Variants in CTNNB1 observed in about 807,000 individuals in gnomAD.
CTNNB1 encodes catenin beta 1.
A neutral mutation model predicts 82.5 loss-of-function variants in CTNNB1; 6 were observed. The observed-to-expected ratio is 0.07, with a 90% confidence interval of 0.04 to 0.14. The LOEUF (loss-of-function observed/expected upper bound fraction) is 0.14, where lower values mean the gene tolerates loss of function less well. Ranked by LOEUF, CTNNB1 falls within the 10% of genes least tolerant of loss-of-function variation. The probability of loss-of-function intolerance (pLI) is 1.00; values close to 1 mark genes in which losing one functional copy is unlikely to be tolerated. For missense variants in CTNNB1, 529 were observed against 980.4 expected (o/e 0.54, Z 6.15); for synonymous variants, 312 against 329.7 (o/e 0.95, Z 0.58).
intron 1 of CTNNB1, among the ~76,000 whole-genome samples, chr3:41,204,747 A>G (rs1264427780): frequency 5.3e-5 from 8 of 152,214 alleles, no homozygotes; most frequent in Non-Finnish European, 1.2e-4. Flanking sequence ...AATTAAATAC[A>G]CTTATTTGCT....
intron 1 of CTNNB1, among the ~76,000 whole-genome samples, chr3:41,204,827 A>G (rs1295492498): frequency 6.6e-6 from 1 of 152,242 alleles, no homozygotes; most frequent in Admixed American, 6.5e-5. Flanking sequence ...GATTCTGTGA[A>G]ATGACTGGTT....
intron 1 of CTNNB1, among the ~76,000 whole-genome samples, chr3:41,201,523 A>C (rs2077529648): frequency 6.6e-6 from 1 of 152,156 alleles, no homozygotes. Context: ...TCAGAAGTCT[A>C]TTCTGTAGGA....
chr3:41,234,383 G>A, intron 10 of CTNNB1, 86 bp downstream of exon 10: 5 of 1,356,960 alleles, frequency 3.7e-6, no homozygotes, highest in Non-Finnish European at 5.3e-6. Flanking sequence ...TTGGTCATTG[G>A]TTCCCCCCAT....
rs2078525901 is a variant in CTNNB1, at chr3:41,239,595, TAATACTC to T, written c.*256_*262del. ...GTTTTTTGCCACAGCTTTTGCAACT[TAATACTC>T]AAATGAGTAACATTTGCTGTTTTAA... On this transcript the variant is annotated 3_prime_UTR_variant, in exon 15 of 15. Coordinates refer to ENST00000349496, the MANE Select transcript of CTNNB1 (RefSeq NM_001904.4). 1 of 539,498 alleles carries T rather than the reference TAATACTC, an allele frequency of 1.9e-6. No individual in the cohort carries two copies. Among genetic ancestry groups the T allele is most frequent in the South Asian group, 2.0e-5 (1 of 48,922 alleles). The allele number at this position is 539,498 out of a possible 1,614,324, so 33.4% of individuals were successfully genotyped here.
At chr3:41,210,140 T>A (rs1392540179) in intron 1 of CTNNB1, among the ~76,000 whole-genome samples, 2 of 152,184 alleles carry the variant, frequency 1.3e-5, no homozygotes, top group Non-Finnish European at 2.9e-5. Flanking sequence ...ACTTTTTACC[T>A]TTTAGCTTTT....
chr3:41,206,518 T>C (rs544169200), intron 1 of CTNNB1, among the ~76,000 whole-genome samples: 1 of 152,126 alleles, frequency 6.6e-6, no homozygotes, highest in Non-Finnish European at 1.5e-5. Flanking sequence ...TTGAAGATGA[T>C]CTTAAGTGGT....
At chr3:41,222,763 A>G (rs1466706358) in intron 1 of CTNNB1, among the ~76,000 whole-genome samples, 3 of 152,224 alleles carry the variant, frequency 2.0e-5, no homozygotes, top group Non-Finnish European at 4.4e-5. Flanking sequence ...TATATAGCCT[A>G]TAGACATGAC....
At chr3:41,226,976 G>A (rs1417573630) in intron 6 of CTNNB1, among the ~76,000 whole-genome samples, 1 of 152,084 alleles carries the variant, frequency 6.6e-6, no homozygotes, top group East Asian at 1.9e-4. Context: ...GGCCCAAACT[G>A]ATACATTGTT....
chr3:41,227,086 T>G, intron 6 of CTNNB1, 122 bp from the exon 7 acceptor site: 1 of 843,588 alleles, frequency 1.2e-6, no homozygotes. Flanking sequence ...CAGGAATACA[T>G]TTAGGTCCAA....
chr3:41,233,296 C>A, intron 7 of CTNNB1, 45 bp from the exon 8 acceptor site: 1 of 1,535,532 alleles, frequency 6.5e-7, no homozygotes, highest in East Asian at 2.3e-5. Context: ...TTGATAGGCA[C>A]TTCTAGCTAA....
intron 2 of CTNNB1, 34 bp from the exon 3 acceptor site, chr3:41,224,492 A>G (rs1415725680): frequency 1.9e-5 from 30 of 1,559,046 alleles, no homozygotes; most frequent in Middle Eastern, 3.4e-4. Context: ...AACATTTCCA[A>G]TCTACTAATG....
intron 1 of CTNNB1, among the ~76,000 whole-genome samples, chr3:41,209,676 C>T (rs1318501170): frequency 1.3e-5 from 2 of 152,120 alleles, no homozygotes; most frequent in African/African-American, 4.8e-5. Flanking sequence ...TGGCCAATTA[C>T]TATGATGAAT....
rs2078128617 is a variant in CTNNB1, at chr3:41,224,556, A to G, written c.44A>G (p.Glu15Gly). Residue 15 changes from glutamate to glycine, a missense_variant, in exon 3 of 15, where the codon GAA becomes GGA. Glu to Gly is a moderately conservative substitution (Grantham distance 98). Coordinates refer to ENST00000349496, the MANE Select transcript of CTNNB1 (RefSeq NM_001904.4). ...ADLMELDMAM[E>G]PDRKAAVSHW... ...TTGATGGAGTTGGACATGGCCATGG[A>G]ACCAGACAGAAAAGCGGCTGTTAGT... is the stretch of plus-strand genomic sequence containing the variant. 3.1e-6 allele frequency: 5 copies of G among 1,613,908 alleles called. No homozygotes were observed. Among genetic ancestry groups the G allele is most frequent in the Non-Finnish European group, 4.2e-6 (5 of 1,179,928 alleles).
chr3:41,232,305 T>TAC (rs1241062957), intron 7 of CTNNB1, among the ~76,000 whole-genome samples: 1 of 152,146 alleles, frequency 6.6e-6, no homozygotes, highest in African/African-American at 2.4e-5. Flanking sequence ...ATTTCACAAA[T>TAC]ACTGAGCATC....
chr3:41,221,958 TTTTA>T (rs1311240773), intron 1 of CTNNB1: 5 of 152,220 alleles, frequency 3.3e-5, no homozygotes, highest in Admixed American at 6.5e-5. Flanking sequence ...AACTTTTTGT[TTTTA>T]TTTATTCTCT....
chr3:41,236,119 C>A, intron 11 of CTNNB1: 1 of 715,716 alleles, frequency 1.4e-6, no homozygotes. Flanking sequence ...TTTTCCAAAT[C>A]TTAGATCAGT....
At chr3:41,219,329 CAATA>C (rs1305224005) in intron 1 of CTNNB1, among the ~76,000 whole-genome samples, 2 of 152,080 alleles carry the variant, frequency 1.3e-5, no homozygotes, top group African/African-American at 2.4e-5. Flanking sequence ...GTGAGACTAA[CAATA>C]AATCACACAT....
In CTNNB1 at chr3:41,229,230, T is replaced by A. The variant is rs563210306; in HGVS notation, c.1081+1878T>A. On this transcript the variant is annotated intron_variant, in intron 7 of 14. Transcript: ENST00000349496. ...TATGAATTTTTAAATAGTTTTTTTT[T>A]AATTATGTGAAGAATGCCATTGGTA... 2.2e-4 allele frequency among the ~76,000 whole-genome samples: 33 copies of A among 152,320 alleles called. 1 individual carries two copies. The East Asian group carries it at 2.3e-3, about 11-fold the overall frequency.
intron 1 of CTNNB1, among the ~76,000 whole-genome samples, chr3:41,222,585 G>A (rs1232363978): frequency 6.6e-6 from 1 of 152,136 alleles, no homozygotes; most frequent in Non-Finnish European, 1.5e-5. Flanking sequence ...TTTTTCCATT[G>A]TAAAAATGAA....
Sources: gnomAD v4.1 joint callset for allele counts (sites outside exome capture counted in the v4.1 genomes callset) on GRCh38, gnomAD v4.1.1 for gene constraint, MANE v1.5 for transcripts, NCBI Gene and HGNC (gene_info 2026-07-23, HGNC 2026-07-21) for gene names.